Variants in KAZN observed in about 807,000 individuals in gnomAD.
KAZN encodes kazrin, periplakin interacting protein, also known as kazrin.
A neutral mutation model predicts 87.4 loss-of-function variants in KAZN; 40 were observed. That is an observed-to-expected ratio of 0.46 (90% confidence interval 0.36 to 0.60). KAZN has a LOEUF of 0.60. KAZN is among the 20% of genes least tolerant of loss of function. The pLI is 0.00. For missense variants in KAZN, 898 were observed against 1,073.9 expected (o/e 0.84, Z 2.29); for synonymous variants, 466 against 458.3 (o/e 1.02, Z -0.22).
chr1:14,498,066 G>A (rs1670045177), intron 2 of KAZN, among the ~76,000 whole-genome samples: 1 of 152,098 alleles, frequency 6.6e-6, no homozygotes. Flanking sequence ...TCAATGTCTG[G>A]GACTCAGTTC....
intron 1 of KAZN, among the ~76,000 whole-genome samples, chr1:14,616,934 G>A (rs1220335845): frequency 6.6e-6 from 1 of 152,166 alleles, no homozygotes; most frequent in Non-Finnish European, 1.5e-5. Flanking sequence ...TGTCTATGCT[G>A]TCCCTTACAA....
chr1:14,676,414 G>A (rs557420740), intron 1 of KAZN, among the ~76,000 whole-genome samples: 1 of 120,664 alleles, frequency 8.3e-6, no homozygotes, highest in South Asian at 3.0e-4. Context: ...TACCTAGGGA[G>A]GCCACTTCAC....
chr1:13,946,626 TAAG>T (rs1641155290), intron 1 of KAZN, among the ~76,000 whole-genome samples: 1 of 152,178 alleles, frequency 6.6e-6, no homozygotes. Context: ...TTGGGATCCT[TAAG>T]AAACACTTGT....
chr1:14,250,663 T>C (rs1649941321), intron 2 of KAZN, among the ~76,000 whole-genome samples: 1 of 151,924 alleles, frequency 6.6e-6, no homozygotes, highest in South Asian at 2.1e-4. Context: ...GCTTTAGTTG[T>C]ATTATTTGAG....
At chr1:14,207,042 C>A (rs998012749) in intron 2 of KAZN, among the ~76,000 whole-genome samples, 3 of 151,168 alleles carry the variant, frequency 2.0e-5, no homozygotes, top group Non-Finnish European at 4.4e-5. Context: ...CAGCTCACTG[C>A]AACTTCTGCC....
intron 2 of KAZN, among the ~76,000 whole-genome samples, chr1:14,227,364 G>A (rs1647385532): frequency 6.6e-6 from 1 of 152,114 alleles, no homozygotes; most frequent in Admixed American, 6.5e-5. Flanking sequence ...GCCTCTTTGG[G>A]GATGGGTCGA....
chr1:14,901,802 CCT>C (rs1369982495), intron 1 of KAZN, among the ~76,000 whole-genome samples: 1 of 152,176 alleles, frequency 6.6e-6, no homozygotes, highest in East Asian at 1.9e-4. Flanking sequence ...CCCACAGCTG[CCT>C]CTCTCTGGGG....
At chr1:14,977,539 G>A (rs1183147100) in intron 2 of KAZN, among the ~76,000 whole-genome samples, 1 of 152,268 alleles carries the variant, frequency 6.6e-6, no homozygotes, top group East Asian at 1.9e-4. Flanking sequence ...CCTCTGCAGT[G>A]AGTGTCGCGC....
At chr1:14,918,507 C>A (rs1243007343) in intron 1 of KAZN, among the ~76,000 whole-genome samples, 1 of 151,488 alleles carries the variant, frequency 6.6e-6, no homozygotes, top group Non-Finnish European at 1.5e-5. Flanking sequence ...GAAACCCCAT[C>A]TCTACTAAAA....
At chr1:14,945,541 C>T (rs1661657305) in intron 1 of KAZN, among the ~76,000 whole-genome samples, 1 of 152,098 alleles carries the variant, frequency 6.6e-6, no homozygotes, top group Admixed American at 6.5e-5. Flanking sequence ...TCCCTCCCTG[C>T]CCCCTCCCCC....
chr1:15,016,526 T>C (rs1337242712), intron 2 of KAZN, among the ~76,000 whole-genome samples: 1 of 152,122 alleles, frequency 6.6e-6, no homozygotes, highest in African/African-American at 2.4e-5. Flanking sequence ...CCTCAGGTGA[T>C]CCACCCACCT....
chr1:14,180,102 A>G (rs1156687445), intron 1 of KAZN, among the ~76,000 whole-genome samples: 1 of 152,026 alleles, frequency 6.6e-6, no homozygotes, highest in African/African-American at 2.4e-5. Context: ...CCACAAAGTC[A>G]TATTCATGTA....
intron 1 of KAZN, among the ~76,000 whole-genome samples, chr1:14,117,314 G>A (rs12096494): frequency 0.046 from 7,042 of 152,106 alleles, 500 homozygotes; most frequent in African/African-American, 0.16. Context: ...GGTCTTTCCC[G>A]TGCTCTTCTT....
chr1:13,907,709 T>C (rs1401360651), intron 1 of KAZN, among the ~76,000 whole-genome samples: 2 of 152,190 alleles, frequency 1.3e-5, no homozygotes, highest in African/African-American at 4.8e-5. Context: ...AGTTTCAAAA[T>C]ATTTTCTGGG....
intron 7 of KAZN, among the ~76,000 whole-genome samples, chr1:15,064,994 A>G (rs1323744588): frequency 6.6e-6 from 1 of 151,238 alleles, no homozygotes; most frequent in Non-Finnish European, 1.5e-5. Flanking sequence ...TGCCTGTGGC[A>G]CACCAGACAC....
intron 2 of KAZN, among the ~76,000 whole-genome samples, chr1:14,466,331 G>A (rs1270182871): frequency 6.6e-6 from 1 of 150,552 alleles, no homozygotes; most frequent in Non-Finnish European, 1.5e-5. Context: ...TTTTTATAAG[G>A]AAAACAAAAA....
intron 1 of KAZN, among the ~76,000 whole-genome samples, chr1:14,076,345 G>T (rs1643460070): frequency 6.6e-6 from 1 of 152,108 alleles, no homozygotes; most frequent in Non-Finnish European, 1.5e-5. Context: ...TGAAGGTAGA[G>T]ATCAGGGTGA....
chr1:14,987,402 G>A (rs1041840352), intron 2 of KAZN, among the ~76,000 whole-genome samples: 8 of 152,164 alleles, frequency 5.3e-5, no homozygotes, highest in Non-Finnish European at 7.3e-5. Flanking sequence ...GCTGAGGCAG[G>A]AGAATCGCTT....
chr1:14,380,576 TA>T (rs1305231534), intron 2 of KAZN, among the ~76,000 whole-genome samples: 1 of 152,096 alleles, frequency 6.6e-6, no homozygotes, highest in Non-Finnish European at 1.5e-5. Context: ...ATTAACATAC[TA>T]AAAAATACAT....
Sources: gnomAD v4.1 joint callset for allele counts (sites outside exome capture counted in the v4.1 genomes callset) on GRCh38, gnomAD v4.1.1 for gene constraint, MANE v1.5 for transcripts, NCBI Gene and HGNC (gene_info 2026-07-23, HGNC 2026-07-21) for gene names.